The following MYO1D variants were observed in gnomAD, a reference collection of about 807,000 sequenced individuals.
MYO1D encodes myosin ID, also known as unconventional myosin-Id.
MYO1D carries 83 observed loss-of-function variants against 122.0 expected under a neutral mutation model. The ratio of observed to expected loss-of-function variants is 0.68; its 90% CI spans 0.57 to 0.82. MYO1D has a LOEUF of 0.82. Ranked by LOEUF, MYO1D falls within the 40% of genes least tolerant of loss-of-function variation. The pLI, the probability that MYO1D is intolerant of heterozygous loss-of-function variation, is 0.00. For synonymous variants in MYO1D, 464 were observed against 446.9 expected (o/e 1.04, Z -0.48); for missense variants, 1,157 against 1,269.5 (o/e 0.91, Z 1.35).
rs112404835 is a variant in MYO1D at position 32,765,551 on chromosome 17, T to C, written c.832-470A>G. 1.5e-3 allele frequency among the ~76,000 whole-genome samples: 230 copies of C among 152,174 alleles called. 1 individual carries two copies. The highest frequency in any genetic ancestry group is 5.2e-3 in the African/African-American group (214 of 41,532). On this transcript the variant is annotated intron_variant, in intron 7 of 21. Transcript: ENST00000318217. ...TTGGCTCACTGCAAGCTCTGCCTCC[T>C]GGGTTCACGCCATTCTCCTGCCTCA...
At chr17:32,607,025 T>TG (rs2087636423) in intron 20 of MYO1D, among the ~76,000 whole-genome samples, 1 of 152,060 alleles carries the variant, frequency 6.6e-6, no homozygotes, top group Non-Finnish European at 1.5e-5. Context: ...CCAGGTGTGG[T>TG]GGCAGGCGCC....
intron 1 of MYO1D, among the ~76,000 whole-genome samples, chr17:32,832,250 T>C (rs2151066819): frequency 6.6e-6 from 1 of 151,754 alleles, no homozygotes. Context: ...CTGCTGGAAC[T>C]ACAGGCACGC....
intron 1 of MYO1D, among the ~76,000 whole-genome samples, chr17:32,874,244 CCTTT>C (rs1410883378): frequency 6.7e-6 from 1 of 148,370 alleles, no homozygotes; most frequent in Admixed American, 6.6e-5. Flanking sequence ...TCTTTCTTTT[CCTTT>C]CTTTTTTTCT....
At chr17:32,577,807 C>T (rs1487259738) in intron 21 of MYO1D, among the ~76,000 whole-genome samples, 10 of 151,608 alleles carry the variant, frequency 6.6e-5, no homozygotes, top group Non-Finnish European at 5.9e-5. Context: ...GGCACGATCT[C>T]GGCTCACTGC....
intron 21 of MYO1D, among the ~76,000 whole-genome samples, chr17:32,568,140 T>C (rs1477132081): frequency 7.0e-6 from 1 of 142,852 alleles, no homozygotes; most frequent in Non-Finnish European, 1.5e-5. Flanking sequence ...TGAGATTTTT[T>C]CCCCCAGGTA....
chr17:32,498,921 C>G (rs1264306556), intron 21 of MYO1D: 1 of 152,182 alleles, frequency 6.6e-6, no homozygotes, highest in Non-Finnish European at 1.5e-5. Flanking sequence ...ATCCTACAAG[C>G]AGGCCGGGTG....
At chr17:32,564,193 A>C (rs2087151608) in intron 21 of MYO1D, among the ~76,000 whole-genome samples, 2 of 152,236 alleles carry the variant, frequency 1.3e-5, no homozygotes, top group Admixed American at 1.3e-4. Flanking sequence ...AGCCCAGGCT[A>C]ACCTGGGAAT....
chr17:32,538,902 G>T (rs1444608751), intron 21 of MYO1D, among the ~76,000 whole-genome samples: 1 of 152,032 alleles, frequency 6.6e-6, no homozygotes, highest in Admixed American at 6.6e-5. Context: ...TGAACAATGA[G>T]AACACATGGA....
intron 21 of MYO1D, among the ~76,000 whole-genome samples, chr17:32,512,646 T>C (rs1909735475): frequency 1.3e-5 from 2 of 152,248 alleles, no homozygotes; most frequent in Non-Finnish European, 2.9e-5. Context: ...ATCCTCGTGC[T>C]ACTCCCCACA....
At chr17:32,729,360 T>A (rs1214510254) in intron 14 of MYO1D, among the ~76,000 whole-genome samples, 1 of 152,134 alleles carries the variant, frequency 6.6e-6, no homozygotes, top group African/African-American at 2.4e-5. Context: ...TACATAAAAT[T>A]AACAAAACCC....
chr17:32,506,369 G>A (rs550686295), intron 21 of MYO1D, among the ~76,000 whole-genome samples: 2 of 152,184 alleles, frequency 1.3e-5, no homozygotes, highest in Non-Finnish European at 2.9e-5. Flanking sequence ...GCATTCAAAG[G>A]TCCATGTCTC....
chr17:32,785,057 G>C (rs1442000934), intron 1 of MYO1D, among the ~76,000 whole-genome samples: 1 of 152,200 alleles, frequency 6.6e-6, no homozygotes, highest in Non-Finnish European at 1.5e-5. Context: ...GCTCAGTGGG[G>C]GGAATGGTAG....
At chr17:32,730,119 T>C (rs901852187) in intron 14 of MYO1D, among the ~76,000 whole-genome samples, 1 of 151,264 alleles carries the variant, frequency 6.6e-6, no homozygotes, top group African/African-American at 2.4e-5. Context: ...TTTGTTTTTA[T>C]TGTTTTTTTT....
At chr17:32,760,659 C>A in intron 8 of MYO1D, 32 bp from the exon 9 acceptor site, 1 of 1,583,018 alleles carries the variant, frequency 6.3e-7, no homozygotes, top group Non-Finnish European at 8.6e-7. Context: ...AAATGCTTGC[C>A]AATTTGGGAA....
intron 1 of MYO1D, among the ~76,000 whole-genome samples, chr17:32,816,455 G>A (rs774239140): frequency 1.3e-5 from 2 of 152,134 alleles, no homozygotes; most frequent in Non-Finnish European, 2.9e-5. Flanking sequence ...TTTACTTTTC[G>A]TCTTAAACTT....
intron 21 of MYO1D, among the ~76,000 whole-genome samples, chr17:32,571,395 T>C (rs1463030597): frequency 3.9e-5 from 6 of 152,220 alleles, no homozygotes; most frequent in African/African-American, 1.2e-4. Flanking sequence ...GCCTTTCTTC[T>C]GCTCCCCTGG....
At chr17:32,800,883 G>T (rs989491000) in intron 1 of MYO1D, among the ~76,000 whole-genome samples, 1 of 151,930 alleles carries the variant, frequency 6.6e-6, no homozygotes, top group Non-Finnish European at 1.5e-5. Flanking sequence ...ATCTAAAAGA[G>T]ATGATTTTAA....
intron 16 of MYO1D, chr17:32,684,307 C>T (rs1458857096): frequency 2.0e-5 from 3 of 152,364 alleles, no homozygotes; most frequent in Middle Eastern, 3.1e-3. Flanking sequence ...TTTCCCTTGT[C>T]CTCTGAATGC....
chr17:32,836,863 A>G (rs1178729991), intron 1 of MYO1D, among the ~76,000 whole-genome samples: 1 of 152,064 alleles, frequency 6.6e-6, no homozygotes, highest in Non-Finnish European at 1.5e-5. Context: ...TACACTTTTA[A>G]AAGTCTCTTG....
Sources: allele counts gnomAD v4.1 joint callset (sites outside exome capture counted in the v4.1 genomes callset), GRCh38; gene constraint gnomAD v4.1.1; transcripts MANE v1.5; gene names NCBI Gene and HGNC (gene_info 2026-07-23, HGNC 2026-07-21).